The following KRT24 variants were observed in gnomAD, a reference collection of about 807,000 sequenced individuals.
KRT24 encodes the protein keratin, type I cytoskeletal 24.
Under a neutral mutation model 51.7 loss-of-function variants are expected in KRT24, and 44 were observed. The observed-to-expected ratio is 0.85, with a 90% confidence interval of 0.67 to 1.09. KRT24 has a LOEUF of 1.09. Ranked by LOEUF, KRT24 falls within the 50% of genes least tolerant of loss-of-function variation. The pLI is 0.00. For missense variants in KRT24, 633 were observed against 647.0 expected (o/e 0.98, Z 0.24); for synonymous variants, 241 against 249.5 (o/e 0.97, Z 0.32).
intron 6 of KRT24, 60 bp from the exon 7 acceptor site, chr17:40,698,710 G>A (rs952706400): frequency 2.3e-5 from 19 of 823,450 alleles, no homozygotes; most frequent in Admixed American, 1.2e-4. Context: ...GAAAGCCTCC[G>A]CCCCGGGGAT....
rs2037675964 is a variant in KRT24 at position 40,701,392 on chromosome 17, C to T, written c.699-96G>A. ...TTCTTACATATTGAAAAAGTTCTCA[C>T]TTGTGGGCATTTTAATAAATAAAGG... On this transcript the variant is annotated intron_variant, in intron 2 of 7. Transcript: ENST00000264651. The T allele has an allele frequency of 1.1e-5, 11 of 979,826 alleles. No homozygotes were observed. The South Asian group carries it at 2.2e-4, about 20-fold the overall frequency. 60.7% of individuals were successfully genotyped at this position (979,826 alleles called of 1,614,324 possible).
In KRT24 at chr17:40,703,429, C is replaced by T. The variant is rs755547059; in HGVS notation, c.265G>A (p.Gly89Arg). 3.7e-6 allele frequency: 6 copies of T among 1,603,406 alleles called. No individual in the cohort carries two copies. In the South Asian group the frequency reaches 4.4e-5, roughly 12 times the overall value. The change falls in exon 1 of 8, where the codon GGG becomes AGG. Residue 89 changes from glycine (G) to arginine (R), a missense_variant. Physicochemically the swap from Gly to Arg is moderately radical, Grantham distance 125. Coordinates refer to ENST00000264651, the MANE Select transcript of KRT24 (RefSeq NM_019016.3). ...GAGACCCCGCCAAAGCTAGAACCCCCACCAAATCCTGTCCCAGAGCCTGAA... is the reference window on the plus strand; with the variant it reads ...GAGACCCCGCCAAAGCTAGAACCCCTACCAAATCCTGTCCCAGAGCCTGAA... ...GASGSGTGFG[G>R]GSSFGGVSGF...
In KRT24 at chr17:40,700,398, A is replaced by G. The variant is rs775228808; in HGVS notation, c.856-15T>C. 2.5e-6 allele frequency: 4 copies of G among 1,601,500 alleles called. No homozygotes were observed. In the Admixed American group the frequency reaches 5.1e-5, roughly 20 times the overall value. On this transcript the variant is annotated splice_polypyrimidine_tract_variant and intron_variant, in intron 3 of 7. Transcript: ENST00000264651. ...TTCTTCATTTCCTAGCATGAAGGAA[A>G]AAAGACTATCGTGATGCAAACAGAA... is the stretch of plus-strand genomic sequence containing the variant.
chr17:40,700,675 A>C lies in KRT24; in HGVS notation c.856-292T>G, dbSNP rs528171000. ...GTGGCTTGATCTCGGCTCACTGCAAACTCCGCCTCCCCAGTTCAAGTGATT... is the reference window on the plus strand; with the variant it reads ...GTGGCTTGATCTCGGCTCACTGCAACCTCCGCCTCCCCAGTTCAAGTGATT... On this transcript the variant is annotated intron_variant, in intron 3 of 7. Transcript: ENST00000264651. Among the ~76,000 whole-genome samples, 36 of 151,440 alleles carry C rather than the reference A, an allele frequency of 2.4e-4. 1 individual carries two copies. Among genetic ancestry groups the C allele is most frequent in the Admixed American group, 2.4e-3 (36 of 15,188 alleles).
Position 40,698,129 on chromosome 17 carries a change from T to C in KRT24, c.*108A>G. On this transcript the variant is annotated 3_prime_UTR_variant, in exon 8 of 8. Coordinates refer to ENST00000264651, the MANE Select transcript of KRT24 (RefSeq NM_019016.3). ...TAGTCATCCATTTCTGGACTGAAGCTTTTCCTGAAATTATCCAGAAAGATG... is the reference window on the plus strand; with the variant it reads ...TAGTCATCCATTTCTGGACTGAAGCCTTTCCTGAAATTATCCAGAAAGATG... The C allele has an allele frequency of 1.4e-6, 1 of 714,760 alleles. No homozygotes were observed. 44.3% of individuals were successfully genotyped at this position (714,760 alleles called of 1,614,324 possible).
chr17:40,699,491 C>T lies in KRT24; in HGVS notation c.1314G>A (p.Leu438=), dbSNP rs772012735. ...YKQLLDIKTR[L]EVEIETYRRL... is the part of the protein sequence containing the mutation. ...GGCGGTAGGTCTCGATCTCCACCTC[C>T]AGGCGTGTCTTGATGTCCAGCAATT... The change falls in exon 6 of 8, where the codon CTG becomes CTA. Residue 438 remains leucine, a synonymous_variant. Transcript: ENST00000264651. The T allele has an allele frequency of 2.5e-6, 4 of 1,613,956 alleles. No homozygotes were observed. The African/African-American group carries it at 4.0e-5, about 16-fold the overall frequency.
rs2037699368 is a variant in KRT24, at chr17:40,702,929, A to G, written c.615+150T>C. The stretch of plus-strand genomic sequence containing the variant: ...GTGATTGGACATCACATAAGGTACT[A>G]TAATAATTAAGACACATCAGGTCCC... On this transcript the variant is annotated intron_variant, in intron 1 of 7. Coordinates refer to ENST00000264651, the MANE Select transcript of KRT24 (RefSeq NM_019016.3). The G allele has an allele frequency of 5.8e-6, 4 of 694,190 alleles. No individual in the cohort carries two copies. In the South Asian group the frequency reaches 7.0e-5, roughly 12 times the overall value. The allele number at this position is 694,190 out of a possible 1,614,324, so 43.0% of individuals were successfully genotyped here.
intron 7 of KRT24, 74 bp downstream of exon 7, chr17:40,698,464 C>T: frequency 1.8e-6 from 2 of 1,129,052 alleles, no homozygotes; most frequent in South Asian, 1.3e-5. Flanking sequence ...ATAGCGGACT[C>T]TTTTAGTATG....
At chr17:40,702,176 G>T (rs540563507) in intron 1 of KRT24, among the ~76,000 whole-genome samples, 17 of 151,860 alleles carry the variant, frequency 1.1e-4, no homozygotes, top group Admixed American at 2.0e-4. Context: ...GGATTACAGG[G>T]GCGTGCCACT....
chr17:40,702,342 G>A (rs761957328), intron 1 of KRT24, among the ~76,000 whole-genome samples: 13 of 152,052 alleles, frequency 8.5e-5, no homozygotes, highest in Non-Finnish European at 1.5e-4. Flanking sequence ...TGCCCGGCCT[G>A]TGCTATTAGC....
At chr17:40,701,777 A>G (rs6416908) in intron 2 of KRT24, 74 bp downstream of exon 2, 1 of 34,860 alleles carries the variant, frequency 2.9e-5, no homozygotes, top group East Asian at 8.3e-4. Context: ...ATATATATAT[A>G]TATTTATTTA....
chr17:40,699,564 A>G lies in KRT24; in HGVS notation c.1241T>C (p.Ile414Thr). ...QTQISALEEE[I>T]CQIWGETKCQ... ...TTTAGTCTCACCCCAGATCTGGCAG[A>G]TCTCCTCCTCCAGGGCACTGATCTG... The change falls in exon 6 of 8, where the codon ATC becomes ACC. Residue 414 changes from isoleucine (I) to threonine (T), a missense_variant. Physicochemically the swap from Ile to Thr is moderately conservative, Grantham distance 89. Transcript: ENST00000264651. 2 of 1,614,090 alleles carry G rather than the reference A, an allele frequency of 1.2e-6. No homozygotes were observed. The highest frequency in any genetic ancestry group is 1.7e-6 in the Non-Finnish European group (2 of 1,179,994).
At chr17:40,701,380 A>T in intron 2 of KRT24, 84 bp from the exon 3 acceptor site, 1 of 1,166,728 alleles carries the variant, frequency 8.6e-7, no homozygotes, top group East Asian at 2.6e-5. Flanking sequence ...TTACATATTG[A>T]AAAAGTTCTC....
Position 40,703,655 on chromosome 17 carries a change from TC to T in KRT24, c.38del (p.Gly13GlufsTer40). The T allele has an allele frequency of 6.3e-7, 1 of 1,595,444 alleles. No individual in the cohort carries two copies. Among genetic ancestry groups the T allele is most frequent in the Non-Finnish European group, 8.5e-7 (1 of 1,172,172 alleles). The part of the protein sequence containing the change: ...CSSRASSSRA[G>X]GSSSARVSAG... ...CAGACACCCTGGCTGAGCTGCTGCC[TC>T]CAGCCCTGGAGGAGGAGGCGCGAGA... On this transcript the variant is annotated frameshift_variant, in exon 1 of 8. Transcript: ENST00000264651. LOFTEE classifies it high-confidence loss of function.
intron 6 of KRT24, 120 bp downstream of exon 6, chr17:40,699,324 C>G (rs1196660301): frequency 7.7e-6 from 6 of 775,580 alleles, no homozygotes; most frequent in Non-Finnish European, 1.3e-5. Context: ...CTGCACGCAG[C>G]CTGTGTCTGT....
chr17:40,702,232 G>T (rs2037692666), intron 1 of KRT24, among the ~76,000 whole-genome samples: 1 of 151,888 alleles, frequency 6.6e-6, no homozygotes, highest in Admixed American at 6.6e-5. Flanking sequence ...GTAGACACGG[G>T]GTTTCACCAT....
chr17:40,703,281 C>G lies in KRT24; in HGVS notation c.413G>C (p.Gly138Ala), dbSNP rs1165603150. The change falls in exon 1 of 8, where the codon GGA becomes GCA. Residue 138 changes from glycine (G) to alanine (A), a missense_variant. Coordinates refer to ENST00000264651, the MANE Select transcript of KRT24 (RefSeq NM_019016.3). The stretch of plus-strand genomic sequence containing the variant: ...GTTCTGCATGGTTTGCTTTTCCCCT[C>G]CAGAGAAAAGCCCCCCATCGCCAAC... ...GGVGDGGLFS[G>A]GEKQTMQNLN... The G allele has an allele frequency of 6.2e-7, 1 of 1,614,010 alleles. No homozygotes were observed. The highest frequency in any genetic ancestry group is 8.5e-7 in the Non-Finnish European group (1 of 1,179,948).
At chr17:40,701,758 T>TATATATATATATAC (rs2037682823) in intron 2 of KRT24, 93 bp downstream of exon 2, 3 of 41,796 alleles carry the variant, frequency 7.2e-5, no homozygotes, top group Non-Finnish European at 1.5e-4. Context: ...TATATATATA[T>TATATATATATATAC]ATATATATAT....
rs1388926776 is a variant in KRT24 at position 40,698,190 on chromosome 17, T to C, written c.*47A>G. 1 of 1,189,926 alleles carries C rather than the reference T, an allele frequency of 8.4e-7. No homozygotes were observed. The highest frequency in any genetic ancestry group is 1.3e-6 in the Non-Finnish European group (1 of 798,148). 73.7% of individuals were successfully genotyped at this position (1,189,926 alleles called of 1,614,324 possible). On this transcript the variant is annotated 3_prime_UTR_variant, in exon 8 of 8. Coordinates refer to ENST00000264651, the MANE Select transcript of KRT24 (RefSeq NM_019016.3). Reference sequence around the variant, plus strand: ...TGCCATTTCTTCGCTTGTGTCCTTCTTGATTTTTTTTTCTTTGAAAGACAC... The same window carrying C: ...TGCCATTTCTTCGCTTGTGTCCTTCCTGATTTTTTTTTCTTTGAAAGACAC...
Sources: gnomAD v4.1 joint callset for allele counts (sites outside exome capture counted in the v4.1 genomes callset) on GRCh38, gnomAD v4.1.1 for gene constraint, MANE v1.5 for transcripts, NCBI Gene and HGNC (gene_info 2026-07-23, HGNC 2026-07-21) for gene names.